The following FGF13 variants were observed in gnomAD, a reference collection of about 807,000 sequenced individuals.
FGF13 encodes the protein fibroblast growth factor homologous factor 2.
FGF13 carries 2 observed loss-of-function variants against 19.5 expected under a neutral mutation model. That is an observed-to-expected ratio of 0.10 (90% confidence interval 0.04 to 0.32). FGF13 has a LOEUF of 0.32. FGF13 is among the 10% of genes least tolerant of loss of function. The pLI, the probability that FGF13 is intolerant of heterozygous loss-of-function variation, is 1.00. For synonymous variants in FGF13, 72 were observed against 76.9 expected (o/e 0.94, Z 0.33); for missense variants, 113 against 192.7 (o/e 0.59, Z 2.45).
At chrX:138,846,392 T>C (rs1435896986) in intron 3 of FGF13, among the ~76,000 whole-genome samples, 2 of 111,524 alleles carry the variant, frequency 1.8e-5, no homozygotes, top group Non-Finnish European at 3.8e-5. Flanking sequence ...AAGTCCTCTG[T>C]GAAGGTTTTA....
intron 1 of FGF13, among the ~76,000 whole-genome samples, chrX:138,982,243 C>T (rs746574409): frequency 8.1e-5 from 9 of 111,148 alleles, no homozygotes; most frequent in Non-Finnish European, 1.1e-4. Context: ...TGTTAAGGGA[C>T]GTAGTTGTGC....
chrX:139,098,479 C>T (rs2083485823), intron 1 of FGF13, among the ~76,000 whole-genome samples: 1 of 111,358 alleles, frequency 9.0e-6, no homozygotes. Context: ...ACTAGATGCC[C>T]TTCAATGGTG....
intron 3 of FGF13, among the ~76,000 whole-genome samples, chrX:138,799,974 C>A (rs1185812418): frequency 4.5e-5 from 5 of 111,331 alleles, no homozygotes; most frequent in Non-Finnish European, 9.4e-5. Flanking sequence ...TTTCTTTGTA[C>A]ATGAGATGGG....
chrX:139,199,002 AC>A (rs1337503333), intron 1 of FGF13, among the ~76,000 whole-genome samples: 1 of 112,845 alleles, frequency 8.9e-6, no homozygotes, highest in East Asian at 2.8e-4. Flanking sequence ...CTGGTATATT[AC>A]AAATAGATAA....
intron 1 of FGF13, among the ~76,000 whole-genome samples, chrX:138,992,169 C>G (rs1197333670): frequency 9.1e-6 from 1 of 110,245 alleles, no homozygotes; most frequent in Non-Finnish European, 1.9e-5. Context: ...GTCTTTTTTT[C>G]CCTTTTCTAT....
At chrX:138,785,860 C>T (rs1294157531) in intron 3 of FGF13, among the ~76,000 whole-genome samples, 1 of 111,615 alleles carries the variant, frequency 9.0e-6, no homozygotes. Flanking sequence ...ACCTAGGATT[C>T]CAGATGCAAA....
intron 3 of FGF13, among the ~76,000 whole-genome samples, chrX:138,691,067 G>A (rs775898340): frequency 9.0e-6 from 1 of 111,347 alleles, no homozygotes; most frequent in South Asian, 3.8e-4. Context: ...TTCCCTGGGA[G>A]ATTAGATGTG....
At chrX:138,739,537 G>T (rs185429566), upstream of FGF13, among the ~76,000 whole-genome samples, 62 of 111,649 alleles carry the variant, frequency 5.6e-4, no homozygotes, top group Admixed American at 1.5e-3. Flanking sequence ...TCAGACATAA[G>T]CTTTGCCTAT....
chrX:138,822,461 G>T (rs2091005947), intron 3 of FGF13, among the ~76,000 whole-genome samples: 1 of 111,858 alleles, frequency 8.9e-6, no homozygotes, highest in South Asian at 3.7e-4. Flanking sequence ...AATAACTGAA[G>T]AGTGTTTAAT....
chrX:138,896,147 T>A (rs1297713646), intron 1 of FGF13, among the ~76,000 whole-genome samples: 1 of 111,735 alleles, frequency 8.9e-6, no homozygotes, highest in African/African-American at 3.2e-5. Flanking sequence ...AATAGTAAAT[T>A]TCAAATATTC....
intron 3 of FGF13, among the ~76,000 whole-genome samples, chrX:138,653,070 G>A (rs1055770296): frequency 8.9e-6 from 1 of 111,749 alleles, no homozygotes; most frequent in Non-Finnish European, 1.9e-5. Context: ...CAGGGACCTA[G>A]TATTTATCTC....
chrX:139,147,661 G>A (rs1403034926), intron 1 of FGF13, among the ~76,000 whole-genome samples: 1 of 111,515 alleles, frequency 9.0e-6, no homozygotes, highest in Non-Finnish European at 1.9e-5. Context: ...AAATCAAGTT[G>A]TCAACAGAGA....
chrX:139,158,423 G>A (rs1426103782), intron 1 of FGF13, among the ~76,000 whole-genome samples: 1 of 110,270 alleles, frequency 9.1e-6, no homozygotes, highest in African/African-American at 3.3e-5. Flanking sequence ...AGCTTGGTGG[G>A]GGGAGGGGCA....
intron 1 of FGF13, among the ~76,000 whole-genome samples, chrX:138,904,288 TG>T (rs1160162819): frequency 2.7e-5 from 3 of 111,291 alleles, no homozygotes; most frequent in African/African-American, 9.8e-5. Context: ...AGAATTTGTG[TG>T]TGTATCGTGG....
chrX:138,783,921 T>C (rs2090670157), intron 3 of FGF13, among the ~76,000 whole-genome samples: 1 of 106,930 alleles, frequency 9.4e-6, no homozygotes, highest in Non-Finnish European at 1.9e-5. Flanking sequence ...AACCCAAATG[T>C]CCAACAATGA....
chrX:138,891,020 G>A, intron 1 of FGF13, among the ~76,000 whole-genome samples: 1 of 112,190 alleles, frequency 8.9e-6, no homozygotes, highest in East Asian at 2.8e-4. Context: ...GGCCGGGAGC[G>A]GTGGCTCACG....
chrX:138,665,827 G>A lies in FGF13; in HGVS notation c.403-30172C>T, dbSNP rs2089537578. On this transcript the variant is annotated intron_variant, in intron 3 of 4. Transcript: ENST00000315930. ...TTAAAAGAGCACAAGGATAAGACAG[G>A]GCAGCAAAAGGTGCTATTTTAAAGT... Among the ~76,000 whole-genome samples the A allele has an allele frequency of 3.6e-5, 4 of 109,991 alleles. No homozygotes were observed. The South Asian group carries it at 1.6e-3, about 43-fold the overall frequency.
At chrX:138,990,957 C>T (rs1052826545) in intron 1 of FGF13, among the ~76,000 whole-genome samples, 3 of 112,071 alleles carry the variant, frequency 2.7e-5, no homozygotes, top group Non-Finnish European at 3.8e-5. Context: ...GCAGATCATA[C>T]GCTGGATTCT....
At chrX:138,951,873 C>G (rs1479583966) in intron 1 of FGF13, among the ~76,000 whole-genome samples, 1 of 111,279 alleles carries the variant, frequency 9.0e-6, no homozygotes, top group Non-Finnish European at 1.9e-5. Flanking sequence ...AGGAAATCCA[C>G]ATCTAGGTAA....
Sources: gnomAD v4.1 joint callset for allele counts (sites outside exome capture counted in the v4.1 genomes callset) on GRCh38, gnomAD v4.1.1 for gene constraint, MANE v1.5 for transcripts, NCBI Gene and HGNC (gene_info 2026-07-23, HGNC 2026-07-21) for gene names.